NHEJ1: variants seen among roughly 807,000 people sequenced by gnomAD.
NHEJ1 encodes non-homologous end joining factor 1.
NHEJ1 carries 22 observed loss-of-function variants against 39.4 expected under a neutral mutation model. That is an observed-to-expected ratio of 0.56 (90% CI 0.40 to 0.80). The LOEUF (loss-of-function observed/expected upper bound fraction) is 0.80. NHEJ1 is among the 30% of genes least tolerant of loss of function. The pLI is 0.00. For missense variants in NHEJ1, 329 were observed against 357.1 expected (o/e 0.92, Z 0.63); for synonymous variants, 154 against 135.6 (o/e 1.14, Z -0.94).
chr2:219,120,445 T>C (rs1949460412), intron 5 of NHEJ1, among the ~76,000 whole-genome samples: 1 of 152,022 alleles, frequency 6.6e-6, no homozygotes, highest in African/African-American at 2.4e-5. Flanking sequence ...AATGAAGAAA[T>C]ATAAGAAGAA....
intron 5 of NHEJ1, among the ~76,000 whole-genome samples, chr2:219,112,037 GT>G (rs1365514024): frequency 6.6e-6 from 1 of 152,196 alleles, no homozygotes; most frequent in African/African-American, 2.4e-5. Context: ...GTCTCTGAAA[GT>G]GGGGGTCAGA....
intron 5 of NHEJ1, among the ~76,000 whole-genome samples, chr2:219,137,586 A>AAAAAC (rs1949645407): frequency 7.2e-6 from 1 of 138,712 alleles, no homozygotes; most frequent in African/African-American, 2.6e-5. Flanking sequence ...AAAAAAAAAA[A>AAAAAC]AAAAAACAAA....
At chr2:219,135,043 TA>T (rs59843524) in intron 5 of NHEJ1, among the ~76,000 whole-genome samples, 104 of 110,404 alleles carry the variant, frequency 9.4e-4, no homozygotes, top group South Asian at 2.3e-3. Flanking sequence ...CCGTCTCAAT[TA>T]AAAAAAAAAA....
At chr2:219,130,003 G>C (rs1478372859) in intron 5 of NHEJ1, among the ~76,000 whole-genome samples, 1 of 141,140 alleles carries the variant, frequency 7.1e-6, no homozygotes, top group Non-Finnish European at 1.5e-5. Context: ...CCCTCTCTCA[G>C]TTCTATTTTC....
chr2:219,152,221 T>C (rs1949803209), intron 3 of NHEJ1, among the ~76,000 whole-genome samples: 1 of 152,176 alleles, frequency 6.6e-6, no homozygotes, highest in Non-Finnish European at 1.5e-5. Flanking sequence ...GTGTAATAGA[T>C]ATACAAACAG....
chr2:219,087,615 T>C (rs1949123290), intron 5 of NHEJ1, among the ~76,000 whole-genome samples: 1 of 152,102 alleles, frequency 6.6e-6, no homozygotes, highest in Non-Finnish European at 1.5e-5. Context: ...GGTGACAGTG[T>C]CTTCTCTGCC....
chr2:219,138,199 T>G (rs1188512266), intron 5 of NHEJ1, among the ~76,000 whole-genome samples: 2 of 152,206 alleles, frequency 1.3e-5, no homozygotes, highest in African/African-American at 4.8e-5. Flanking sequence ...AGACTAATTT[T>G]CTTTCCAGGA....
intron 5 of NHEJ1, among the ~76,000 whole-genome samples, chr2:219,122,696 G>C (rs1949483154): frequency 6.6e-6 from 1 of 152,154 alleles, no homozygotes. Flanking sequence ...TTAGTTTTAA[G>C]TTCTAGAAAC....
intron 3 of NHEJ1, among the ~76,000 whole-genome samples, chr2:219,154,622 T>C (rs547835800): frequency 1.3e-5 from 2 of 152,244 alleles, no homozygotes; most frequent in South Asian, 4.1e-4. Flanking sequence ...TTTTTCCATA[T>C]AAAGCTCTCT....
chr2:219,100,367 C>CT (rs1050094651), intron 5 of NHEJ1, among the ~76,000 whole-genome samples: 1 of 151,158 alleles, frequency 6.6e-6, no homozygotes, highest in African/African-American at 2.4e-5. Flanking sequence ...CTTTGGGAGT[C>CT]TGAGGCAGGT....
intron 5 of NHEJ1, among the ~76,000 whole-genome samples, chr2:219,079,395 C>T (rs1949042953): frequency 6.6e-6 from 1 of 152,162 alleles, no homozygotes; most frequent in South Asian, 2.1e-4. Context: ...GCTGTAAGGG[C>T]ATTCATTTCT....
rs1208266914 is a variant in NHEJ1, at chr2:219,157,701, G to C, written c.178-17C>G. On this transcript the variant is annotated splice_polypyrimidine_tract_variant and intron_variant, in intron 2 of 7. Transcript: ENST00000356853. ...GTTCAGCTCCTAAAGAGAGAGCAGT[G>C]GTACAGAGTAAGGGTGCTAAAAGGA... The C allele has an allele frequency of 1.2e-6, 2 of 1,604,848 alleles. No individual in the cohort carries two copies. Among genetic ancestry groups the C allele is most frequent in the Non-Finnish European group, 1.7e-6 (2 of 1,173,760 alleles).
At chr2:219,147,204 G>A (rs1287702962) in intron 4 of NHEJ1, among the ~76,000 whole-genome samples, 1 of 152,246 alleles carries the variant, frequency 6.6e-6, no homozygotes, top group Non-Finnish European at 1.5e-5. Context: ...CCTAGGCCAG[G>A]CACGGTGGCT....
intron 5 of NHEJ1, among the ~76,000 whole-genome samples, chr2:219,082,365 T>C (rs914689396): frequency 1.2e-4 from 19 of 152,206 alleles, no homozygotes; most frequent in Non-Finnish European, 1.5e-5. Context: ...CTCCCCTCTT[T>C]AGAGGTAACT....
chr2:219,142,280 C>T (rs1055964498), intron 5 of NHEJ1, among the ~76,000 whole-genome samples: 4 of 152,196 alleles, frequency 2.6e-5, no homozygotes, highest in Non-Finnish European at 5.9e-5. Context: ...TAAGGGACCC[C>T]TACCAAAGGA....
At chr2:219,128,725 C>A (rs893481189) in intron 5 of NHEJ1, among the ~76,000 whole-genome samples, 2 of 152,226 alleles carry the variant, frequency 1.3e-5, no homozygotes, top group Non-Finnish European at 2.9e-5. Flanking sequence ...CCACCCCTGA[C>A]ACACAAATAG....
chr2:219,156,403 T>A (rs1949855589), intron 3 of NHEJ1, among the ~76,000 whole-genome samples: 1 of 152,254 alleles, frequency 6.6e-6, no homozygotes, highest in Non-Finnish European at 1.5e-5. Context: ...TTCAGATCCC[T>A]CTGCTAACAA....
At position 219,101,246 on chromosome 2, in the gene NHEJ1, C is replaced by T. The variant is rs780477930; in HGVS notation, c.589-23040G>A. Among the ~76,000 whole-genome samples the T allele has an allele frequency of 8.0e-4, 122 of 152,118 alleles. 2 individuals are homozygous for T. The highest frequency in any genetic ancestry group is 1.1e-3 in the Non-Finnish European group (74 of 68,030). On this transcript the variant is annotated intron_variant, in intron 5 of 7. Coordinates refer to ENST00000356853, the MANE Select transcript of NHEJ1 (RefSeq NM_024782.3). Reference sequence around the variant, plus strand: ...TATCGTGCCTCAGCCTCCTGAGTAGCTGGGATTACAGGCGCGTACCACCAC... The same window carrying T: ...TATCGTGCCTCAGCCTCCTGAGTAGTTGGGATTACAGGCGCGTACCACCAC...
intron 4 of NHEJ1, 70 bp from the exon 5 acceptor site, chr2:219,146,808 G>C (rs759409200): frequency 5.1e-6 from 6 of 1,174,476 alleles, no homozygotes; most frequent in Non-Finnish European, 6.4e-6. Flanking sequence ...GATGGAAAGG[G>C]AACAGAACAG....
Sources: gnomAD v4.1 joint callset for allele counts (sites outside exome capture counted in the v4.1 genomes callset) on GRCh38, gnomAD v4.1.1 for gene constraint, MANE v1.5 for transcripts, NCBI Gene and HGNC (gene_info 2026-07-23, HGNC 2026-07-21) for gene names.